The following CDC73 variants were observed in gnomAD, a reference collection of about 807,000 sequenced individuals.
CDC73 encodes the protein parafibromin.
Under a neutral mutation model 83.7 loss-of-function variants are expected in CDC73, and 21 were observed. The ratio of observed to expected loss-of-function variants is 0.25; its 90% CI spans 0.18 to 0.36. CDC73 has a LOEUF of 0.36. Ranked by LOEUF, CDC73 falls within the 10% of genes least tolerant of loss-of-function variation. CDC73 has a pLI of 1.00. For synonymous variants in CDC73, 224 were observed against 212.9 expected, an observed-to-expected ratio of 1.05 and a Z score of -0.45; for missense variants, 342 against 653.3, an observed-to-expected ratio of 0.52 and a Z score of 5.19.
intron 10 of CDC73, among the ~76,000 whole-genome samples, chr1:193,194,915 T>G (rs1278966545): frequency 6.6e-6 from 1 of 152,114 alleles, no homozygotes; most frequent in African/African-American, 2.4e-5. Context: ...ATTTGTGAAA[T>G]AAATCTCTAT....
intron 10 of CDC73, among the ~76,000 whole-genome samples, chr1:193,171,866 ATTTG>A (rs1210910434): frequency 6.6e-6 from 1 of 152,180 alleles, no homozygotes; most frequent in Admixed American, 6.5e-5. Context: ...AAAAAGATGT[ATTTG>A]TTAGTGTTGG....
At chr1:193,168,669 G>T (rs568615605) in intron 10 of CDC73, among the ~76,000 whole-genome samples, 1 of 151,888 alleles carries the variant, frequency 6.6e-6, no homozygotes, top group Non-Finnish European at 1.5e-5. Flanking sequence ...GATTACAGGC[G>T]CCTGCCACCA....
chr1:193,216,789 A>G (rs1221150595), intron 13 of CDC73, among the ~76,000 whole-genome samples: 2 of 152,234 alleles, frequency 1.3e-5, no homozygotes, highest in Non-Finnish European at 1.5e-5. Context: ...GGTTCGTTCA[A>G]CAAATGCAAA....
At chr1:193,134,276 C>T (rs1054294915) in intron 3 of CDC73, among the ~76,000 whole-genome samples, 1 of 151,724 alleles carries the variant, frequency 6.6e-6, no homozygotes, top group Non-Finnish European at 1.5e-5. Context: ...TGCCATTGTT[C>T]GTAACAACAG....
chr1:193,253,360 ATG>A lies in CDC73; in HGVS notation c.*2652_*2653del, dbSNP rs1678074727. ...TTATTGAAAACAGTACCAGTATTAA[ATG>A]TGTTTCCTCTTCCTTCTTTTCTGTA... On this transcript the variant is annotated 3_prime_UTR_variant, in exon 17 of 17. Coordinates refer to ENST00000367435, the MANE Select transcript of CDC73 (RefSeq NM_024529.5). 1 of 232,376 alleles carries A rather than the reference ATG, an allele frequency of 4.3e-6. No individual in the cohort carries two copies. The highest frequency in any genetic ancestry group is 2.2e-5 in the African/African-American group (1 of 45,288). The allele number at this position is 232,376 out of a possible 1,614,324, so 14.4% of individuals were successfully genotyped here. A position where few individuals can be genotyped will look rare whatever the true frequency, so the allele number is the denominator to read the frequency against.
At chr1:193,245,963 C>T (rs768393666) in intron 15 of CDC73, among the ~76,000 whole-genome samples, 16 of 151,844 alleles carry the variant, frequency 1.1e-4, no homozygotes, top group Non-Finnish European at 1.9e-4. Flanking sequence ...AGATCATTTC[C>T]ACATTATAAA....
chr1:193,240,082 C>A (rs370321021), intron 15 of CDC73, among the ~76,000 whole-genome samples: 2 of 152,146 alleles, frequency 1.3e-5, no homozygotes, highest in East Asian at 1.9e-4. Flanking sequence ...CAACTTTTAA[C>A]GTTCCCACAT....
At chr1:193,216,206 T>C (rs1462089882) in intron 13 of CDC73, among the ~76,000 whole-genome samples, 1 of 151,956 alleles carries the variant, frequency 6.6e-6, no homozygotes, top group Admixed American at 6.6e-5. Flanking sequence ...GCTAGATTAA[T>C]AGAGAAAAAC....
chr1:193,173,119 G>C lies in CDC73; in HGVS notation c.972+20675G>C, dbSNP rs934913028. Among the ~76,000 whole-genome samples the C allele has an allele frequency of 2.0e-5, 3 of 152,124 alleles. No homozygotes were observed. In the East Asian group the frequency reaches 5.8e-4, roughly 29 times the overall value. On this transcript the variant is annotated intron_variant, in intron 10 of 16. Transcript: ENST00000367435. ...ACATAAGCCTAGAGAAAGGAGTCTT[G>C]TTCTCTGGTTTGCTCTCTGCAGGTT...
chr1:193,178,085 T>A (rs1163355872), intron 10 of CDC73, among the ~76,000 whole-genome samples: 2 of 152,152 alleles, frequency 1.3e-5, no homozygotes, highest in African/African-American at 4.8e-5. Flanking sequence ...AGTGGTGAGA[T>A]GTTTATATAC....
intron 10 of CDC73, among the ~76,000 whole-genome samples, chr1:193,185,491 T>C (rs1676790641): frequency 6.6e-6 from 1 of 152,090 alleles, no homozygotes; most frequent in South Asian, 2.1e-4. Flanking sequence ...TTATCTTCAT[T>C]TAGGGAGATG....
chr1:193,139,256 T>A (rs767702145), intron 6 of CDC73, among the ~76,000 whole-genome samples: 23 of 152,034 alleles, frequency 1.5e-4, no homozygotes, highest in Non-Finnish European at 1.5e-5. Flanking sequence ...AGTTTTCATC[T>A]GAAGTTTGTT....
At chr1:193,249,657 G>A (rs1678012578) in intron 15 of CDC73, 73 bp from the exon 16 acceptor site, 2 of 1,164,274 alleles carry the variant, frequency 1.7e-6, no homozygotes, top group Admixed American at 1.8e-5. Flanking sequence ...GCTTCAGTTG[G>A]TGGAATAAAG....
intron 11 of CDC73, among the ~76,000 whole-genome samples, chr1:193,208,809 G>A (rs1045319425): frequency 4.0e-5 from 6 of 151,814 alleles, no homozygotes; most frequent in Middle Eastern, 3.2e-3. Context: ...TTCCCCAAGC[G>A]CAGCAGTTTC....
At chr1:193,229,048 A>T (rs1419017066) in intron 13 of CDC73, among the ~76,000 whole-genome samples, 1 of 152,204 alleles carries the variant, frequency 6.6e-6, no homozygotes, top group African/African-American at 2.4e-5. Context: ...GTAAAAATTA[A>T]AATGATGTTG....
chr1:193,151,875 G>A (rs1385681039), intron 9 of CDC73, among the ~76,000 whole-genome samples: 1 of 152,146 alleles, frequency 6.6e-6, no homozygotes, highest in Non-Finnish European at 1.5e-5. Context: ...AGAAGAGGTT[G>A]CAGTGAACTG....
chr1:193,139,029 C>T (rs1216312479), intron 6 of CDC73, among the ~76,000 whole-genome samples: 2 of 151,954 alleles, frequency 1.3e-5, no homozygotes, highest in Non-Finnish European at 2.9e-5. Flanking sequence ...CCGCCTTGGC[C>T]TCCCAAAGTG....
chr1:193,132,715 T>G (rs575222182), intron 3 of CDC73, among the ~76,000 whole-genome samples: 26 of 152,102 alleles, frequency 1.7e-4, no homozygotes, highest in Non-Finnish European at 3.4e-4. Context: ...GTGGTTTTTT[T>G]TGTTTGTTTG....
chr1:193,170,262 G>A (rs1447545828), intron 10 of CDC73, among the ~76,000 whole-genome samples: 1 of 152,124 alleles, frequency 6.6e-6, no homozygotes, highest in Admixed American at 6.5e-5. Flanking sequence ...ATATACGCAT[G>A]CATGTGTCTT....
Sources: gnomAD v4.1 joint callset for allele counts (sites outside exome capture counted in the v4.1 genomes callset) on GRCh38, gnomAD v4.1.1 for gene constraint, MANE v1.5 for transcripts, NCBI Gene and HGNC (gene_info 2026-07-23, HGNC 2026-07-21) for gene names.